The following FAM118B variants were observed in gnomAD, a reference collection of about 807,000 sequenced individuals.
FAM118B encodes SIR2 antiphage like 1, also known as protein FAM118B.
FAM118B carries 24 observed loss-of-function variants against 38.5 expected under a neutral mutation model. The observed-to-expected ratio is 0.62, with a 90% CI of 0.45 to 0.88. The LOEUF (loss-of-function observed/expected upper bound fraction) is 0.88, where lower values mean the gene tolerates loss of function less well. FAM118B is among the 40% of genes least tolerant of loss of function. The pLI, the probability that FAM118B is intolerant of heterozygous loss-of-function variation, is 0.00. For synonymous variants in FAM118B, 138 were observed against 156.3 expected (o/e 0.88, Z 0.87); for missense variants, 334 against 420.0 (o/e 0.80, Z 1.79).
intron 3 of FAM118B, among the ~76,000 whole-genome samples, chr11:126,238,605 C>A (rs1327695641): frequency 6.6e-6 from 1 of 152,160 alleles, no homozygotes; most frequent in African/African-American, 2.4e-5. Flanking sequence ...TTAATCCCCA[C>A]CCTCAGCTGT....
At chr11:126,224,460 A>G (rs1453629763) in intron 1 of FAM118B, among the ~76,000 whole-genome samples, 6 of 129,728 alleles carry the variant, frequency 4.6e-5, no homozygotes, top group Non-Finnish European at 4.7e-5. Context: ...TGGGTGACAG[A>G]GCGAGACCCT....
At chr11:126,219,837 G>C (rs559860796) in intron 1 of FAM118B, among the ~76,000 whole-genome samples, 2 of 129,134 alleles carry the variant, frequency 1.5e-5, no homozygotes, top group Admixed American at 8.2e-5. Flanking sequence ...ATGCACTACT[G>C]TACTTATTAA....
chr11:126,242,024 C>CAAAA (rs60865966), intron 4 of FAM118B, among the ~76,000 whole-genome samples: 1 of 88,418 alleles, frequency 1.1e-5, no homozygotes. Flanking sequence ...GACTCCGTCT[C>CAAAA]AAAAAAAAAA....
rs184930882 is a variant in FAM118B at position 126,248,617 on chromosome 11, G to A, written c.340-1889G>A. On this transcript the variant is annotated intron_variant, in intron 4 of 8. Transcript: ENST00000533050. ...GATCTCTTGACCTCGTGATCCACCC[G>A]CCTTGGCCTCCCAAAGTGCTGGGAT... Among the ~76,000 whole-genome samples the A allele has an allele frequency of 2.6e-4, 40 of 152,094 alleles. No homozygotes were observed. In the East Asian group the frequency reaches 7.4e-3, roughly 28 times the overall value.
chr11:126,237,854 T>TC (rs1213450965), intron 3 of FAM118B, among the ~76,000 whole-genome samples: 1 of 121,320 alleles, frequency 8.2e-6, no homozygotes, highest in East Asian at 2.4e-4. Context: ...AGACTCCGTC[T>TC]CCAAAAAAAA....
chr11:126,261,343 C>T (rs1950693555), intron 7 of FAM118B, 82 bp from the exon 8 acceptor site: 1 of 1,123,428 alleles, frequency 8.9e-7, no homozygotes, highest in Non-Finnish European at 1.3e-6. Context: ...ACCATATGTC[C>T]TCATCTCCCT....
rs986674642 is a variant in FAM118B, at chr11:126,244,590, G to C, written c.339+3546G>C. Among the ~76,000 whole-genome samples, 2 of 152,178 alleles carry C rather than the reference G, an allele frequency of 1.3e-5. No individual in the cohort carries two copies. Among genetic ancestry groups the C allele is most frequent in the African/African-American group, 4.8e-5 (2 of 41,448 alleles). On this transcript the variant is annotated intron_variant, in intron 4 of 8. Transcript: ENST00000533050. The surrounding 1 kb of genome is among the most constrained non-coding windows in gnomAD (Gnocchi z 4.5). ...AGGCCGAGGTGGGCGGATCACCTGAGGTCGGGAGGTAGAGACCAGCCTGGC... is the reference window on the plus strand; with the variant it reads ...AGGCCGAGGTGGGCGGATCACCTGACGTCGGGAGGTAGAGACCAGCCTGGC...
chr11:126,238,972 CTTTTT>C (rs533350695), intron 3 of FAM118B, among the ~76,000 whole-genome samples: 2 of 129,874 alleles, frequency 1.5e-5, no homozygotes, highest in East Asian at 4.4e-4. Flanking sequence ...AAGTGGAAGT[CTTTTT>C]TTTTTTTTTT....
In FAM118B at chr11:126,244,038, T is replaced by A. The variant is rs555562474; in HGVS notation, c.339+2994T>A. On this transcript the variant is annotated intron_variant, in intron 4 of 8. Coordinates refer to ENST00000533050, the MANE Select transcript of FAM118B (RefSeq NM_024556.4). This position sits in a 1 kb window ranked among gnomAD's most constrained non-coding sequence, Gnocchi z 4.5. The stretch of plus-strand genomic sequence containing the variant: ...TGCAACACTCTTTCATGATTTTTTT[T>A]AAAAAAGCCACACTCTACAAATGAA... Among the ~76,000 whole-genome samples, 299 of 152,144 alleles carry A rather than the reference T, an allele frequency of 2.0e-3. No homozygotes were observed. Among genetic ancestry groups the A allele is most frequent in the African/African-American group, 5.7e-3 (236 of 41,488 alleles).
chr11:126,232,535 A>G (rs770470748), intron 2 of FAM118B, among the ~76,000 whole-genome samples: 3 of 152,108 alleles, frequency 2.0e-5, no homozygotes, highest in Admixed American at 1.3e-4. Context: ...ACTTCCCTCT[A>G]CATTTTACTT....
At chr11:126,242,281 G>T (rs1950369856) in intron 4 of FAM118B, among the ~76,000 whole-genome samples, 1 of 152,078 alleles carries the variant, frequency 6.6e-6, no homozygotes, top group Non-Finnish European at 1.5e-5. Context: ...AAAACTGTTA[G>T]GCTGAAAGGA....
In FAM118B at chr11:126,256,695, C is replaced by T; in HGVS notation, c.825C>T (p.Phe275=). The change falls in exon 7 of 9, where the codon TTC becomes TTT. Residue 275 remains phenylalanine (F), a synonymous_variant. Coordinates refer to ENST00000533050, the MANE Select transcript of FAM118B (RefSeq NM_024556.4). This position sits in a 1 kb window ranked among gnomAD's most constrained non-coding sequence, Gnocchi z 6.6. ...AGCATAAATCTGACCTAGAACATTT[C>T]ATGCTGGTTCGGAGAGGAGACGTAG... ...AVKHKSDLEH[F]MLVRRGDVDE... The T allele has an allele frequency of 6.2e-7, 1 of 1,614,196 alleles. No individual in the cohort carries two copies. Among genetic ancestry groups the T allele is most frequent in the Non-Finnish European group, 8.5e-7 (1 of 1,180,044 alleles).
Position 126,244,090 on chromosome 11 carries a change from A to G in FAM118B, c.339+3046A>G, listed in dbSNP as rs1038939263. Among the ~76,000 whole-genome samples, 2 of 152,180 alleles carry G rather than the reference A, an allele frequency of 1.3e-5. No individual in the cohort carries two copies. The highest frequency in any genetic ancestry group is 2.9e-5 in the Non-Finnish European group (2 of 68,040). On this transcript the variant is annotated intron_variant, in intron 4 of 8. Transcript: ENST00000533050. This position sits in a 1 kb window ranked among gnomAD's most constrained non-coding sequence, Gnocchi z 4.5. ...GAATAATAGCAAACAATAGAAGGTAACTACCTCAACACGATAAAGACCGTA... is the reference window on the plus strand; with the variant it reads ...GAATAATAGCAAACAATAGAAGGTAGCTACCTCAACACGATAAAGACCGTA...
At position 126,244,112 on chromosome 11, in the gene FAM118B, C is replaced by T. The variant is rs1416959658; in HGVS notation, c.339+3068C>T. On this transcript the variant is annotated intron_variant, in intron 4 of 8. Coordinates refer to ENST00000533050, the MANE Select transcript of FAM118B (RefSeq NM_024556.4). The surrounding 1 kb of genome is among the most constrained non-coding windows in gnomAD (Gnocchi z 4.5). ...GTAACTACCTCAACACGATAAAGAC[C>T]GTATATGAAAAACTCACAGTTAACA... is the stretch of plus-strand genomic sequence containing the variant. Among the ~76,000 whole-genome samples the T allele has an allele frequency of 6.6e-6, 1 of 151,956 alleles. No homozygotes were observed. The highest frequency in any genetic ancestry group is 2.4e-5 in the African/African-American group (1 of 41,372).
At chr11:126,214,527 T>TTTTTTTTTTTTTTTTTTTTTTTTA (rs1949954178) in intron 1 of FAM118B, 1 of 123,320 alleles carries the variant, frequency 8.1e-6, no homozygotes. Context: ...TTTTTTTTTT[T>TTTTTTTTTTTTTTTTTTTTTTTTA]ACCTCTATAT....
At chr11:126,221,405 A>G (rs1216836463) in intron 1 of FAM118B, among the ~76,000 whole-genome samples, 4 of 152,210 alleles carry the variant, frequency 2.6e-5, no homozygotes, top group African/African-American at 9.6e-5. Context: ...TAAAACAGAA[A>G]GAAAGAAATA....
intron 1 of FAM118B, among the ~76,000 whole-genome samples, chr11:126,226,482 A>G (rs934627998): frequency 6.6e-6 from 1 of 151,552 alleles, no homozygotes; most frequent in African/African-American, 2.4e-5. Flanking sequence ...TAGGCAGGCC[A>G]GAAAGGAACG....
chr11:126,236,561 A>G (rs1299109679), intron 3 of FAM118B, among the ~76,000 whole-genome samples: 1 of 152,212 alleles, frequency 6.6e-6, no homozygotes, highest in African/African-American at 2.4e-5. Context: ...ACAGTGATGT[A>G]TCTTGTCATA....
At chr11:126,251,740 T>C (rs928923649) in intron 5 of FAM118B, among the ~76,000 whole-genome samples, 49 of 152,110 alleles carry the variant, frequency 3.2e-4, no homozygotes, top group Non-Finnish European at 6.3e-4. Flanking sequence ...GCTTTTTTTT[T>C]TTTTTTTTGA....
Sources: gnomAD v4.1 joint callset for allele counts (sites outside exome capture counted in the v4.1 genomes callset) on GRCh38, gnomAD v4.1.1 for gene constraint, Gnocchi (gnomAD v3.1) non-coding constraint, MANE v1.5 for transcripts, NCBI Gene and HGNC (gene_info 2026-07-23, HGNC 2026-07-21) for gene names.